PPIL2: variants seen among roughly 807,000 people sequenced by gnomAD.
PPIL2 encodes RING-type E3 ubiquitin-protein ligase PPIL2.
Under a neutral mutation model 75.2 loss-of-function variants are expected in PPIL2, and 50 were observed. The observed-to-expected ratio is 0.66, with a 90% CI of 0.53 to 0.84. The LOEUF (loss-of-function observed/expected upper bound fraction) is 0.84, where lower values mean the gene tolerates loss of function less well. Among genes scored for constraint, PPIL2 ranks in the 40% least tolerant of loss-of-function variants. The pLI, the probability that PPIL2 is intolerant of heterozygous loss-of-function variation, is 0.00. For missense variants in PPIL2, 590 were observed against 685.0 expected, an observed-to-expected ratio of 0.86 and a Z score of 1.55; for synonymous variants, 245 against 258.8, an observed-to-expected ratio of 0.95 and a Z score of 0.51.
At chr22:21,669,495 GT>G (rs1178830742) in intron 1 of PPIL2, 3 of 354,510 alleles carry the variant, frequency 8.5e-6, no homozygotes, top group Non-Finnish European at 5.6e-6. Flanking sequence ...TATAGTAGGT[GT>G]TTTTTTGTTT....
At chr22:21,670,666 A>T in intron 3 of PPIL2, 55 bp downstream of exon 3, 1 of 1,527,568 alleles carries the variant, frequency 6.5e-7, no homozygotes, top group Non-Finnish European at 9.1e-7. Flanking sequence ...ATCCTGTCTG[A>T]TAGTGAATCT....
chr22:21,699,637 G>C (rs983246751), downstream of PPIL2: 1 of 152,750 alleles, frequency 6.5e-6, no homozygotes. Context: ...GGCTAAACTT[G>C]TTGCTTTAAC....
chr22:21,672,164 T>TA (rs1318900376), intron 4 of PPIL2, among the ~76,000 whole-genome samples, 166 bp from the exon 5 acceptor site: 2 of 152,208 alleles, frequency 1.3e-5, no homozygotes, highest in Non-Finnish European at 2.9e-5. Flanking sequence ...TATCCACAAA[T>TA]ATCCCCCAAC....
chr22:21,676,409 G>C (rs1370800545), intron 6 of PPIL2, among the ~76,000 whole-genome samples: 9 of 150,970 alleles, frequency 6.0e-5, no homozygotes, highest in African/African-American at 2.2e-4. Context: ...GTTTCTCACA[G>C]AGGGGGATTT....
At chr22:21,669,189 G>A (rs920710661) in intron 1 of PPIL2, 1 of 187,736 alleles carries the variant, frequency 5.3e-6, no homozygotes, top group Non-Finnish European at 1.2e-5. Flanking sequence ...TTGAGACAGA[G>A]TCTCCCCCGT....
downstream of PPIL2, chr22:21,699,487 T>C (rs7285388): frequency 0.33 from 50,713 of 152,138 alleles, 8,740 homozygotes; most frequent in Non-Finnish European, 0.38. Context: ...ATGAGTGGAT[T>C]GTAATTTATA....
In PPIL2 at chr22:21,695,380, T is replaced by G. The variant is rs767108392; in HGVS notation, c.1467-14T>G. The G allele has an allele frequency of 2.1e-5, 33 of 1,594,878 alleles. 1 individual carries two copies. The highest frequency in any genetic ancestry group is 1.3e-4 in the African/African-American group (10 of 74,492). Reference sequence around the variant, plus strand: ...GGGAGGGTGTGGGCTCCCAGCGGCTTCTTCTCTTCCCAGGAAGCGAGCAGC... The same window carrying G: ...GGGAGGGTGTGGGCTCCCAGCGGCTGCTTCTCTTCCCAGGAAGCGAGCAGC... On this transcript the variant is annotated splice_polypyrimidine_tract_variant and intron_variant, in intron 19 of 19. Coordinates refer to ENST00000398831, the MANE Select transcript of PPIL2 (RefSeq NM_014337.4).
intron 14 of PPIL2, 44 bp from the exon 15 acceptor site, chr22:21,688,688 C>T (rs760775336): frequency 1.3e-6 from 2 of 1,585,214 alleles, no homozygotes; most frequent in Admixed American, 1.7e-5. Flanking sequence ...TCTGCCTCGG[C>T]TGGGGCCCAG....
At chr22:21,680,955 A>G (rs2067102040) in intron 6 of PPIL2, among the ~76,000 whole-genome samples, 2 of 151,934 alleles carry the variant, frequency 1.3e-5, no homozygotes, top group Admixed American at 6.6e-5. Context: ...GAGAGGAGGT[A>G]GAGCTGTCAG....
At chr22:21,692,360 T>C (rs564066242) in intron 15 of PPIL2, among the ~76,000 whole-genome samples, 12 of 151,496 alleles carry the variant, frequency 7.9e-5, no homozygotes, top group East Asian at 4.0e-4. Context: ...TTCACCGTGT[T>C]AGCGAGGATG....
chr22:21,695,306 C>T (rs1420949476), intron 19 of PPIL2, 88 bp from the exon 20 acceptor site: 1 of 1,464,980 alleles, frequency 6.8e-7, no homozygotes, highest in Non-Finnish European at 9.3e-7. Flanking sequence ...GGGGTTGGGC[C>T]TACACCGGGA....
Position 21,697,062 on chromosome 22 carries a change from C to T in PPIL2, c.*1572C>T. The T allele has an allele frequency of 2.1e-6, 3 of 1,445,862 alleles. No individual in the cohort carries two copies. The South Asian group carries it at 3.9e-5, about 19-fold the overall frequency. The allele number at this position is 1,445,862 out of a possible 1,614,324, so 89.6% of individuals were successfully genotyped here. ...TGACCATTGGTCGGGCCCCTGGGCT[C>T]TAGAGTGACTTTTGACGCCCTCCAT... On this transcript the variant is annotated 3_prime_UTR_variant, in exon 20 of 20. Coordinates refer to ENST00000398831, the MANE Select transcript of PPIL2 (RefSeq NM_014337.4).
intron 15 of PPIL2, among the ~76,000 whole-genome samples, chr22:21,689,617 C>T (rs1487705464): frequency 1.5e-5 from 2 of 135,912 alleles, no homozygotes; most frequent in Non-Finnish European, 3.4e-5. Flanking sequence ...TCTAGATAGT[C>T]ACGCTTATCA....
chr22:21,676,958 C>A (rs1481269449), intron 6 of PPIL2, among the ~76,000 whole-genome samples: 2 of 150,994 alleles, frequency 1.3e-5, no homozygotes, highest in Admixed American at 6.6e-5. Flanking sequence ...CCCTACCTCC[C>A]GGACGGGGCG....
chr22:21,672,261 G>A, intron 4 of PPIL2, 69 bp from the exon 5 acceptor site: 1 of 1,399,258 alleles, frequency 7.1e-7, no homozygotes, highest in Non-Finnish European at 1.0e-6. Context: ...AGCCCTGCAA[G>A]ACCACAGTGT....
intron 4 of PPIL2, 119 bp from the exon 5 acceptor site, chr22:21,672,211 A>T: frequency 1.3e-6 from 1 of 791,848 alleles, no homozygotes; most frequent in Non-Finnish European, 2.2e-6. Context: ...CCTCTCCTAA[A>T]GTGAAGCAAG....
chr22:21,694,168 C>T (rs1029798796), intron 16 of PPIL2, among the ~76,000 whole-genome samples: 2 of 152,212 alleles, frequency 1.3e-5, no homozygotes, highest in Non-Finnish European at 2.9e-5. Flanking sequence ...CACCCAGCTC[C>T]CTTCACCCTC....
At chr22:21,667,152 A>ATT (rs747410460) in intron 1 of PPIL2, among the ~76,000 whole-genome samples, 27,415 of 106,296 alleles carry the variant, frequency 0.26, 4,375 homozygotes, top group Non-Finnish European at 0.32. Flanking sequence ...CTCAGTCCTC[A>ATT]TTTTTTTTTT....
chr22:21,678,532 G>A (rs113385561), intron 6 of PPIL2, among the ~76,000 whole-genome samples: 6 of 151,950 alleles, frequency 3.9e-5, no homozygotes, highest in African/African-American at 1.4e-4. Context: ...CGCCCCACCT[G>A]TTTCTTTGTT....
Sources: gnomAD v4.1 joint callset for allele counts (sites outside exome capture counted in the v4.1 genomes callset) on GRCh38, gnomAD v4.1.1 for gene constraint, MANE v1.5 for transcripts, NCBI Gene and HGNC (gene_info 2026-07-23, HGNC 2026-07-21) for gene names.